The following MACROD2 variants were observed in gnomAD, a reference collection of about 807,000 sequenced individuals.
MACROD2 encodes the protein ADP-ribose glycohydrolase MACROD2.
Under a neutral mutation model 70.4 loss-of-function variants are expected in MACROD2, and 36 were observed. The ratio of observed to expected loss-of-function variants is 0.51; its 90% CI spans 0.39 to 0.68. The LOEUF is 0.68. MACROD2 is among the 30% of genes least tolerant of loss of function. The pLI, the probability that MACROD2 is intolerant of heterozygous loss-of-function variation, is 0.00. For synonymous variants in MACROD2, 172 were observed against 178.8 expected, an observed-to-expected ratio of 0.96 and a Z score of 0.30; for missense variants, 496 against 538.4, an observed-to-expected ratio of 0.92 and a Z score of 0.78.
chr20:14,202,415 A>G (rs1440484322), intron 3 of MACROD2, among the ~76,000 whole-genome samples: 1 of 152,248 alleles, frequency 6.6e-6, no homozygotes, highest in African/African-American at 2.4e-5. Context: ...CTTCTGTTTT[A>G]TAGCCTACTT....
intron 8 of MACROD2, among the ~76,000 whole-genome samples, chr20:15,612,901 AGACT>A (rs1195149927): frequency 6.6e-6 from 1 of 152,244 alleles, no homozygotes; most frequent in Non-Finnish European, 1.5e-5. Context: ...CAGGACAGAC[AGACT>A]GACAGGCTGC....
At chr20:14,362,123 T>A (rs527478100) in intron 3 of MACROD2, among the ~76,000 whole-genome samples, 4 of 152,342 alleles carry the variant, frequency 2.6e-5, no homozygotes, top group Admixed American at 2.0e-4. Context: ...AAGATGTTAC[T>A]CAGGAGTATG....
At chr20:15,709,684 T>C (rs937531602) in intron 8 of MACROD2, among the ~76,000 whole-genome samples, 58 of 151,902 alleles carry the variant, frequency 3.8e-4, no homozygotes, top group African/African-American at 1.4e-3. Context: ...AAAAACAAAA[T>C]ATATTATAAT....
intron 4 of MACROD2, among the ~76,000 whole-genome samples, chr20:14,514,541 G>C (rs977610244): frequency 6.6e-6 from 1 of 152,088 alleles, no homozygotes; most frequent in Non-Finnish European, 1.5e-5. Flanking sequence ...AATTACGTTA[G>C]ACTACTGCAT....
intron 3 of MACROD2, among the ~76,000 whole-genome samples, chr20:14,195,167 G>T (rs1361623610): frequency 2.0e-5 from 3 of 152,090 alleles, no homozygotes; most frequent in Non-Finnish European, 4.4e-5. Context: ...TTTTATTTTG[G>T]AGTAGTTGGG....
intron 4 of MACROD2, among the ~76,000 whole-genome samples, chr20:14,673,626 A>G (rs2070822419): frequency 6.6e-6 from 1 of 152,144 alleles, no homozygotes; most frequent in African/African-American, 2.4e-5. Flanking sequence ...CAACTATAAA[A>G]TGGAAAAGGT....
chr20:14,346,643 G>A (rs572311920), intron 3 of MACROD2, among the ~76,000 whole-genome samples: 3 of 152,260 alleles, frequency 2.0e-5, no homozygotes, highest in East Asian at 1.9e-4. Context: ...TATCATCTAA[G>A]TCTCAGAATT....
At chr20:14,905,283 A>G (rs1335190866) in intron 5 of MACROD2, 1 of 152,184 alleles carries the variant, frequency 6.6e-6, no homozygotes, top group Non-Finnish European at 1.5e-5. Context: ...GGAAAGAGAG[A>G]CATTCAATTC....
chr20:15,585,244 C>T (rs2048582254), intron 8 of MACROD2, among the ~76,000 whole-genome samples: 1 of 150,286 alleles, frequency 6.7e-6, no homozygotes, highest in African/African-American at 2.4e-5. Context: ...GTCGCCCAGG[C>T]TGGAGTGCAG....
chr20:15,608,771 G>A (rs2048928088), intron 8 of MACROD2, among the ~76,000 whole-genome samples: 4 of 152,164 alleles, frequency 2.6e-5, no homozygotes, highest in South Asian at 4.1e-4. Flanking sequence ...TTGAAGTCCT[G>A]TTTAACTTTA....
Position 15,970,867 on chromosome 20 carries a change from G to T in MACROD2, c.985+3237G>T, listed in dbSNP as rs553538506. Among the ~76,000 whole-genome samples the T allele has an allele frequency of 2.6e-5, 4 of 152,248 alleles. No individual in the cohort carries two copies. In the East Asian group the frequency reaches 7.7e-4, roughly 29 times the overall value. Reference sequence around the variant, plus strand: ...TCAACATTCATAAAGAACTCTGAAGGTTTTTGCCTTAGTAGCAGAGCAAAA... The same window carrying T: ...TCAACATTCATAAAGAACTCTGAAGTTTTTTGCCTTAGTAGCAGAGCAAAA... On this transcript the variant is annotated intron_variant, in intron 13 of 17. Coordinates refer to ENST00000684519, the MANE Select transcript of MACROD2 (RefSeq NM_001351661.2).
chr20:14,600,343 T>TATACACAC (rs1320891260), intron 4 of MACROD2, among the ~76,000 whole-genome samples: 5 of 130,176 alleles, frequency 3.8e-5, no homozygotes, highest in African/African-American at 1.6e-4. Flanking sequence ...TATATATATA[T>TATACACAC]ACACACACAC....
chr20:15,984,452 A>G (rs1271740205), intron 13 of MACROD2, among the ~76,000 whole-genome samples: 1 of 152,152 alleles, frequency 6.6e-6, no homozygotes, highest in Non-Finnish European at 1.5e-5. Context: ...TTACTTTTAA[A>G]TTATACAACA....
chr20:15,391,827 T>G (rs772615515), intron 6 of MACROD2, among the ~76,000 whole-genome samples: 2 of 152,234 alleles, frequency 1.3e-5, no homozygotes, highest in African/African-American at 2.4e-5. Context: ...CACTTTTATT[T>G]GTAAAACTTA....
chr20:14,409,407 G>A (rs978982279), intron 3 of MACROD2, among the ~76,000 whole-genome samples: 6 of 150,206 alleles, frequency 4.0e-5, no homozygotes, highest in Non-Finnish European at 8.9e-5. Context: ...ATCCTCTCAT[G>A]AAACCCTATG....
chr20:14,281,694 T>C lies in MACROD2; in HGVS notation c.271+195966T>C, dbSNP rs199662462. The stretch of plus-strand genomic sequence containing the variant: ...GCTTATGCCTGTAATCCCAGCACTT[T>C]GGGAGGACAAGGCGGGCGGATCACA... On this transcript the variant is annotated intron_variant, in intron 3 of 17. Coordinates refer to ENST00000684519, the MANE Select transcript of MACROD2 (RefSeq NM_001351661.2). Among the ~76,000 whole-genome samples, 9 of 152,208 alleles carry C rather than the reference T, an allele frequency of 5.9e-5. No individual in the cohort carries two copies. In the East Asian group the frequency reaches 1.5e-3, roughly 26 times the overall value.
At chr20:14,570,514 A>C (rs886233783) in intron 4 of MACROD2, among the ~76,000 whole-genome samples, 1 of 151,990 alleles carries the variant, frequency 6.6e-6, no homozygotes, top group Admixed American at 6.6e-5. Flanking sequence ...AAGAAAAATC[A>C]GCTATAGAAA....
At chr20:14,583,673 T>C (rs1981188432) in intron 4 of MACROD2, among the ~76,000 whole-genome samples, 1 of 152,162 alleles carries the variant, frequency 6.6e-6, no homozygotes, top group South Asian at 2.1e-4. Flanking sequence ...AATATTAAGA[T>C]CTACCTTAGA....
At chr20:15,900,659 G>A (rs962219767) in intron 10 of MACROD2, among the ~76,000 whole-genome samples, 2 of 152,190 alleles carry the variant, frequency 1.3e-5, no homozygotes, top group Admixed American at 6.5e-5. Context: ...GACTGGGAAC[G>A]ATCCCAATTT....
Sources: gnomAD v4.1 joint callset for allele counts (sites outside exome capture counted in the v4.1 genomes callset) on GRCh38, gnomAD v4.1.1 for gene constraint, MANE v1.5 for transcripts, NCBI Gene and HGNC (gene_info 2026-07-23, HGNC 2026-07-21) for gene names.